Variants in INPP5B observed in about 807,000 individuals in gnomAD.
INPP5B encodes the protein type II inositol 1,4,5-trisphosphate 5-phosphatase.
A neutral mutation model predicts 118.5 loss-of-function variants in INPP5B; 90 were observed. The ratio of observed to expected loss-of-function variants is 0.76; its 90% CI spans 0.64 to 0.90. The LOEUF (loss-of-function observed/expected upper bound fraction) is 0.90. INPP5B is among the 40% of genes least tolerant of loss of function. The pLI is 0.00. For missense variants in INPP5B, 984 were observed against 1,125.6 expected (o/e 0.87, Z 1.80); for synonymous variants, 385 against 418.9 (o/e 0.92, Z 0.99).
chr1:37,872,442 T>C (rs1024131067), intron 19 of INPP5B, among the ~76,000 whole-genome samples: 2 of 151,348 alleles, frequency 1.3e-5, no homozygotes, highest in Non-Finnish European at 2.9e-5. Flanking sequence ...CAACTTGCTC[T>C]ACCAATAAAA....
At chr1:37,897,144 G>T (rs1159480761) in intron 7 of INPP5B, among the ~76,000 whole-genome samples, 1 of 151,700 alleles carries the variant, frequency 6.6e-6, no homozygotes, top group African/African-American at 2.4e-5. Flanking sequence ...CAGCCGCCCT[G>T]TCCGGGAGGT....
At chr1:37,932,702 C>A (rs1453382472) in intron 6 of INPP5B, among the ~76,000 whole-genome samples, 8 of 152,114 alleles carry the variant, frequency 5.3e-5, no homozygotes. Context: ...CAACCAAGTT[C>A]AGAGAGGTTA....
intron 7 of INPP5B, among the ~76,000 whole-genome samples, chr1:37,922,682 C>A (rs984046315): frequency 5.4e-4 from 82 of 152,138 alleles, no homozygotes; most frequent in African/African-American, 1.9e-3. Context: ...GGTGACACAG[C>A]GAGACTCCGT....
At position 37,931,330 on chromosome 1, in the gene INPP5B, G is replaced by A. The variant is rs559213412; in HGVS notation, c.532+583C>T. 6.8e-5 allele frequency: 63 copies of A among 932,070 alleles called. 1 individual carries two copies. The South Asian group carries it at 1.0e-3, about 15-fold the overall frequency. The allele number at this position is 932,070 out of a possible 1,614,324, so 57.7% of individuals were successfully genotyped here. A position where few individuals can be genotyped will look rare whatever the true frequency, so the allele number is the denominator to read the frequency against. Reference sequence around the variant, plus strand: ...CCCACCCGCCCCACGCGACAAACTCGGAAGATCAGGATTGAAGAGCAAGCT... The same window carrying A: ...CCCACCCGCCCCACGCGACAAACTCAGAAGATCAGGATTGAAGAGCAAGCT... On this transcript the variant is annotated intron_variant, in intron 7 of 23. Transcript: ENST00000373024.
chr1:37,943,762 G>A (rs750919228), intron 4 of INPP5B, 34 bp downstream of exon 4: 4 of 1,611,190 alleles, frequency 2.5e-6, no homozygotes, highest in Non-Finnish European at 2.5e-6. Context: ...GGGCCCATAG[G>A]AGAGGATTCA....
chr1:37,884,558 C>T (rs917720202), intron 13 of INPP5B, among the ~76,000 whole-genome samples: 2 of 152,122 alleles, frequency 1.3e-5, no homozygotes, highest in Non-Finnish European at 2.9e-5. Flanking sequence ...GCTGGGATAA[C>T]AGGCATGAAC....
Position 37,880,070 on chromosome 1 carries a change from C to A in INPP5B, c.1541+15G>T. 1 of 1,572,212 alleles carries A rather than the reference C, an allele frequency of 6.4e-7. No homozygotes were observed. Among genetic ancestry groups the A allele is most frequent in the Non-Finnish European group, 8.7e-7 (1 of 1,147,422 alleles). ...TTTCCGTTTGCTCAACCCTTTGAAG[C>A]AACCTCTGACCTACCTGGTATCCCA... On this transcript the variant is annotated intron_variant, in intron 15 of 23. Coordinates refer to ENST00000373024, the MANE Select transcript of INPP5B (RefSeq NM_005540.3).
At chr1:37,881,950 T>G (rs1287015408) in intron 14 of INPP5B, among the ~76,000 whole-genome samples, 1 of 151,948 alleles carries the variant, frequency 6.6e-6, no homozygotes, top group African/African-American at 2.4e-5. Flanking sequence ...ATATAAAAAA[T>G]TAGCCGGGCA....
At chr1:37,940,885 AC>A in intron 5 of INPP5B, 87 bp from the exon 6 acceptor site, 1 of 879,738 alleles carries the variant, frequency 1.1e-6, no homozygotes. Context: ...AGAATCAGCA[AC>A]CCAGACTCCC....
chr1:37,863,929 C>A (rs1338560416), intron 23 of INPP5B, among the ~76,000 whole-genome samples: 3 of 151,192 alleles, frequency 2.0e-5, no homozygotes, highest in Non-Finnish European at 4.4e-5. Context: ...ATTCTCCTAA[C>A]TCAGCCTCCC....
intron 7 of INPP5B, chr1:37,930,204 C>G (rs1161912796): frequency 6.6e-6 from 1 of 152,146 alleles, no homozygotes; most frequent in African/African-American, 2.4e-5. Flanking sequence ...ACTACAGGTA[C>G]GCGCCACCAT....
chr1:37,871,790 G>T (rs977857511), intron 19 of INPP5B, among the ~76,000 whole-genome samples: 17 of 151,988 alleles, frequency 1.1e-4, no homozygotes, highest in South Asian at 1.0e-3. Flanking sequence ...TCAGCTACTT[G>T]GGAGGCTGAG....
rs9660231 is a variant in INPP5B, at chr1:37,861,914, C to T, written c.*401G>A. 157,496 of 163,550 alleles carry T rather than the reference C, an allele frequency of 0.96. 76,098 individuals are homozygous for T. Among genetic ancestry groups the T allele is most frequent in the East Asian group, 1 (5,596 of 5,596 alleles). The allele number at this position is 163,550 out of a possible 1,614,324, so 10.1% of individuals were successfully genotyped here. ...AGCTGGGCGTGGCAGTGTGTGCCTG[C>T]AGTCCCAGCTACTCGGGAGGCTGAG... On this transcript the variant is annotated 3_prime_UTR_variant, in exon 24 of 24. Coordinates refer to ENST00000373024, the MANE Select transcript of INPP5B (RefSeq NM_005540.3).
intron 7 of INPP5B, among the ~76,000 whole-genome samples, chr1:37,911,760 T>G (rs923305520): frequency 6.6e-6 from 1 of 152,230 alleles, no homozygotes; most frequent in Non-Finnish European, 1.5e-5. Context: ...TTAATGCCTC[T>G]TTAATAAATA....
intron 6 of INPP5B, 42 bp from the exon 7 acceptor site, chr1:37,932,095 A>C: frequency 1.3e-6 from 2 of 1,518,784 alleles, no homozygotes; most frequent in Middle Eastern, 1.8e-4. Context: ...CACGAGCTTG[A>C]AGAGCCGGCT....
At chr1:37,882,410 A>G (rs1238661138) in intron 14 of INPP5B, among the ~76,000 whole-genome samples, 2 of 152,344 alleles carry the variant, frequency 1.3e-5, no homozygotes, top group Non-Finnish European at 2.9e-5. Context: ...TGTCACTCAC[A>G]CTAGAGAAGT....
At chr1:37,909,100 T>C (rs1044665206) in intron 7 of INPP5B, among the ~76,000 whole-genome samples, 3 of 152,132 alleles carry the variant, frequency 2.0e-5, no homozygotes, top group Admixed American at 6.5e-5. Flanking sequence ...TCCTACAAGA[T>C]CTAGATAATT....
rs1643623690 is a variant in INPP5B, at chr1:37,887,752, G to C, written c.900-287C>G. Among the ~76,000 whole-genome samples, 11 of 152,092 alleles carry C rather than the reference G, an allele frequency of 7.2e-5. No homozygotes were observed. In the South Asian group the frequency reaches 2.3e-3, roughly 32 times the overall value. Reference sequence around the variant, plus strand: ...CACACAAGCACCAAGTGGCAAACTGGGATTCAAACCTTGGTCTACATAAAT... The same window carrying C: ...CACACAAGCACCAAGTGGCAAACTGCGATTCAAACCTTGGTCTACATAAAT... On this transcript the variant is annotated intron_variant, in intron 10 of 23. Transcript: ENST00000373024.
rs772317418 is a variant in INPP5B, at chr1:37,864,362, C to T, written c.2576G>A (p.Arg859Gln). The change falls in exon 23 of 24, where the codon CGA becomes CAA. Residue 859 changes from arginine to glutamine, a missense_variant. By Grantham distance (43) the Arg-to-Gln change is conservative. Coordinates refer to ENST00000373024, the MANE Select transcript of INPP5B (RefSeq NM_005540.3). ...TTTTGCTGAATTTTTCAGCAGTTCT[C>T]GCAAAAACGCCATCAAGTAGTGGAA... The part of the protein sequence containing the change: ...NVFHYLMAFL[R>Q]ELLKNSAKNH... 6.8e-6 allele frequency: 11 copies of T among 1,613,250 alleles called. No homozygotes were observed. The highest frequency in any genetic ancestry group is 3.3e-5 in the South Asian group (3 of 91,032).
Sources: allele counts gnomAD v4.1 joint callset (sites outside exome capture counted in the v4.1 genomes callset), GRCh38; gene constraint gnomAD v4.1.1; transcripts MANE v1.5; gene names NCBI Gene and HGNC (gene_info 2026-07-23, HGNC 2026-07-21).